The following EMX2 variants were observed in gnomAD, a reference collection of about 807,000 sequenced individuals.
The protein encoded by EMX2 is homeobox protein EMX2.
Under a neutral mutation model 23.0 loss-of-function variants are expected in EMX2, and 6 were observed. The observed-to-expected ratio is 0.26, with a 90% CI of 0.14 to 0.52. The LOEUF is 0.52. Among genes scored for constraint, EMX2 ranks in the 20% least tolerant of loss-of-function variants. The probability of loss-of-function intolerance (pLI) is 0.97; values close to 1 mark genes in which losing one functional copy is unlikely to be tolerated. For synonymous variants in EMX2, 175 were observed against 153.3 expected, an observed-to-expected ratio of 1.14 and a Z score of -1.04; for missense variants, 302 against 341.4, an observed-to-expected ratio of 0.88 and a Z score of 0.91.
chr10:117,545,545 G>A, intron 1 of EMX2, 87 bp from the exon 2 acceptor site: 1 of 1,549,264 alleles, frequency 6.5e-7, no homozygotes, highest in South Asian at 1.2e-5. Context: ...CCCTGAGCAC[G>A]GTGCCGGGCC....
In EMX2 at chr10:117,548,086, C is replaced by A. The variant is rs1331282704; in HGVS notation, c.613C>A (p.Arg205=). 6.2e-7 allele frequency: 1 copy of A among 1,612,328 alleles called. No individual in the cohort carries two copies. Among genetic ancestry groups the A allele is most frequent in the East Asian group, 2.2e-5 (1 of 44,834 alleles). ...ETQVKVWFQN[R]RTKFKRQKLE... is the part of the protein sequence containing the mutation. ...GCAGGTAAAAGTATGGTTTCAGAAC[C>A]GAAGAACAAAGTTCAAAAGGCAGAA... is the stretch of plus-strand genomic sequence containing the variant. The change falls in exon 3 of 3, where the codon CGA becomes AGA. Residue 205 remains arginine, a synonymous_variant. Coordinates refer to ENST00000553456, the MANE Select transcript of EMX2 (RefSeq NM_004098.4).
chr10:117,548,576 G>C lies in EMX2; in HGVS notation c.*344G>C. On this transcript the variant is annotated 3_prime_UTR_variant, in exon 3 of 3. Transcript: ENST00000553456. The stretch of plus-strand genomic sequence containing the variant: ...AGAGAGAGAGAGAGAGAGAGAGAAA[G>C]CTGAACGTGCACTCTGACAAGGGGA... 2.0e-6 allele frequency: 1 copy of C among 504,126 alleles called. No homozygotes were observed. 31.2% of individuals were successfully genotyped at this position (504,126 alleles called of 1,614,324 possible).
At position 117,548,162 on chromosome 10, in the gene EMX2, A is replaced by G; in HGVS notation, c.689A>G (p.His230Arg). The change falls in exon 3 of 3, where the codon CAT becomes CGT. Residue 230 changes from histidine (H) to arginine (R), a missense_variant. Coordinates refer to ENST00000553456, the MANE Select transcript of EMX2 (RefSeq NM_004098.4). ...CAACAAAAGAAAAAAGGGACGCACC[A>G]TATTAACCGGTGGAGAATCGCCACC... ...DSQQKKKGTH[H>R]INRWRIATKQ... 1 of 1,614,104 alleles carries G rather than the reference A, an allele frequency of 6.2e-7. No individual in the cohort carries two copies. Among genetic ancestry groups the G allele is most frequent in the Non-Finnish European group, 8.5e-7 (1 of 1,180,006 alleles).
intron 2 of EMX2, 109 bp downstream of exon 2, chr10:117,545,925 G>A: frequency 2.0e-6 from 3 of 1,467,478 alleles, no homozygotes; most frequent in South Asian, 1.2e-5. Flanking sequence ...CTTCCGCACA[G>A]GTCCTGGTAG....
rs764114182 is a variant in EMX2, at chr10:117,548,534, G to C, written c.*302G>C. The C allele has an allele frequency of 3.8e-4, 166 of 437,028 alleles. 1 individual carries two copies. Among genetic ancestry groups the C allele is most frequent in the Non-Finnish European group, 5.8e-4 (154 of 264,798 alleles). 27.1% of individuals were successfully genotyped at this position (437,028 alleles called of 1,614,324 possible). A position where few individuals can be genotyped will look rare whatever the true frequency, so the allele number is the denominator to read the frequency against. On this transcript the variant is annotated 3_prime_UTR_variant, in exon 3 of 3. Transcript: ENST00000553456. ...AGAAGGAGAAAGAGGGAGGGAGAGA[G>C]AGAAAGAGAGAGAAAGAGAGAGAGA...
rs1332593101 is a variant in EMX2 at position 117,549,320 on chromosome 10, T to C, written c.*1088T>C. 1 of 152,610 alleles carries C rather than the reference T, an allele frequency of 6.6e-6. No individual in the cohort carries two copies. Among genetic ancestry groups the C allele is most frequent in the Non-Finnish European group, 1.5e-5 (1 of 68,042 alleles). 9.5% of individuals were successfully genotyped at this position (152,610 alleles called of 1,614,324 possible). A position where few individuals can be genotyped will look rare whatever the true frequency, so the allele number is the denominator to read the frequency against. On this transcript the variant is annotated 3_prime_UTR_variant, in exon 3 of 3. Transcript: ENST00000553456. ...GGACTGTAGTTAGCGGGGATGATGT[T>C]AAGTGTGGCCAAGCGCACGGCGGCA...
In EMX2 at chr10:117,548,493, A is replaced by C; in HGVS notation, c.*261A>C. 1.7e-6 allele frequency: 1 copy of C among 600,174 alleles called. No homozygotes were observed. The allele number at this position is 600,174 out of a possible 1,614,324, so 37.2% of individuals were successfully genotyped here. On this transcript the variant is annotated 3_prime_UTR_variant, in exon 3 of 3. Transcript: ENST00000553456. ...CGACCCTCGTCTAAAGAGGCAGCTGAGTGAGAGACACAGAGAGAAGGAGAA... is the reference window on the plus strand; with the variant it reads ...CGACCCTCGTCTAAAGAGGCAGCTGCGTGAGAGACACAGAGAGAAGGAGAA...
chr10:117,545,834 G>A lies in EMX2; in HGVS notation c.591+18G>A, dbSNP rs778391840. ...AAACTCAGGTGACTGCGGCCCGGGC[G>A]CGAGGAACCCATCTAGGCGTGCGCC... On this transcript the variant is annotated intron_variant, in intron 2 of 2. Coordinates refer to ENST00000553456, the MANE Select transcript of EMX2 (RefSeq NM_004098.4). 3.1e-6 allele frequency: 5 copies of A among 1,613,484 alleles called. No individual in the cohort carries two copies. The highest frequency in any genetic ancestry group is 2.5e-6 in the Non-Finnish European group (3 of 1,180,016).
Position 117,548,344 on chromosome 10 carries a change from A to G in EMX2, c.*112A>G, listed in dbSNP as rs573827200. The G allele has an allele frequency of 2.6e-5, 38 of 1,443,230 alleles. No homozygotes were observed. The Admixed American group carries it at 6.5e-4, about 25-fold the overall frequency. The allele number at this position is 1,443,230 out of a possible 1,614,324, so 89.4% of individuals were successfully genotyped here. On this transcript the variant is annotated 3_prime_UTR_variant, in exon 3 of 3. Transcript: ENST00000553456. Reference sequence around the variant, plus strand: ...AAACAAACCGCATACACGTTCACCGAGAAAGGGAGAGGGAATCGGAGGGAG... The same window carrying G: ...AAACAAACCGCATACACGTTCACCGGGAAAGGGAGAGGGAATCGGAGGGAG...
In EMX2 at chr10:117,548,476, G is replaced by A. The variant is rs1846611902; in HGVS notation, c.*244G>A. On this transcript the variant is annotated 3_prime_UTR_variant, in exon 3 of 3. Transcript: ENST00000553456. Reference sequence around the variant, plus strand: ...GCTCCTTCATCAACAAGCGACCCTCGTCTAAAGAGGCAGCTGAGTGAGAGA... The same window carrying A: ...GCTCCTTCATCAACAAGCGACCCTCATCTAAAGAGGCAGCTGAGTGAGAGA... 1 of 610,854 alleles carries A rather than the reference G, an allele frequency of 1.6e-6. No homozygotes were observed. Among genetic ancestry groups the A allele is most frequent in the Non-Finnish European group, 2.9e-6 (1 of 349,006 alleles). 37.8% of individuals were successfully genotyped at this position (610,854 alleles called of 1,614,324 possible). A position where few individuals can be genotyped will look rare whatever the true frequency, so the allele number is the denominator to read the frequency against.
Position 117,543,351 on chromosome 10 carries a change from G to A in EMX2, c.84G>A (p.Glu28=). ...GTCCCCTGCCCGCCTCGCGCTCCGAGGACCCCATCCGTCCCGCGGCACTCA... is the reference window on the plus strand; with the variant it reads ...GTCCCCTGCCCGCCTCGCGCTCCGAAGACCCCATCCGTCCCGCGGCACTCA... ...KDSPLPASRS[E]DPIRPAALSY... is the part of the protein sequence containing the mutation. Residue 28 remains glutamate (E), a synonymous_variant, in exon 1 of 3, where the codon GAG becomes GAA. Transcript: ENST00000553456. The A allele has an allele frequency of 6.4e-7, 1 of 1,562,522 alleles. No individual in the cohort carries two copies. The highest frequency in any genetic ancestry group is 8.7e-7 in the Non-Finnish European group (1 of 1,154,192).
chr10:117,548,543 AG>A lies in EMX2; in HGVS notation c.*312del, dbSNP rs1416092913. On this transcript the variant is annotated 3_prime_UTR_variant, in exon 3 of 3. Transcript: ENST00000553456. ...AAGAGGGAGGGAGAGAGAGAAAGAG[AG>A]AGAAAGAGAGAGAGAGAGAGAGAGA... The A allele has an allele frequency of 4.0e-5, 17 of 423,558 alleles. No homozygotes were observed. Among genetic ancestry groups the A allele is most frequent in the Non-Finnish European group, 5.8e-5 (15 of 256,950 alleles). The allele number at this position is 423,558 out of a possible 1,614,324, so 26.2% of individuals were successfully genotyped here.
rs1846618982 is a variant in EMX2, at chr10:117,548,844, GT to G, written c.*614del. 5.0e-6 allele frequency: 2 copies of G among 398,574 alleles called. No individual in the cohort carries two copies. Among genetic ancestry groups the G allele is most frequent in the African/African-American group, 4.1e-5 (2 of 48,598 alleles). 24.7% of individuals were successfully genotyped at this position (398,574 alleles called of 1,614,324 possible). On this transcript the variant is annotated 3_prime_UTR_variant, in exon 3 of 3. Transcript: ENST00000553456. ...TCAAATCCTTGAAATGCATGTAGCA[GT>G]TGTTGGGCGAATGGTGTTTAAAGAC...
Position 117,548,308 on chromosome 10 carries a change from C to A in EMX2, c.*76C>A. On this transcript the variant is annotated 3_prime_UTR_variant, in exon 3 of 3. Coordinates refer to ENST00000553456, the MANE Select transcript of EMX2 (RefSeq NM_004098.4). ...GGGAGAGGTGGAGAAGGAAAAAACCCTACAAAACAAAAACAAACCGCATAC... is the reference window on the plus strand; with the variant it reads ...GGGAGAGGTGGAGAAGGAAAAAACCATACAAAACAAAAACAAACCGCATAC... 2 of 1,565,582 alleles carry A rather than the reference C, an allele frequency of 1.3e-6. No individual in the cohort carries two copies. Among genetic ancestry groups the A allele is most frequent in the East Asian group, 2.4e-5 (1 of 42,532 alleles).
rs12777755 is a variant in EMX2 at position 117,542,900 on chromosome 10, C to T, written c.-368C>T. Reference sequence around the variant, plus strand: ...TCCCTGCCTCTAACTCCGATCCCCCCACGCCATCTCGCCAAAAAAAAAAAA... The same window carrying T: ...TCCCTGCCTCTAACTCCGATCCCCCTACGCCATCTCGCCAAAAAAAAAAAA... On this transcript the variant is annotated 5_prime_UTR_variant, in exon 1 of 3. Coordinates refer to ENST00000553456, the MANE Select transcript of EMX2 (RefSeq NM_004098.4). The T allele has an allele frequency of 0.016, 1,191 of 72,312 alleles. 68 individuals are homozygous for T. The highest frequency in any genetic ancestry group is 0.064 in the East Asian group (133 of 2,086). The allele number at this position is 72,312 out of a possible 1,614,324, so 4.5% of individuals were successfully genotyped here.
At position 117,548,495 on chromosome 10, in the gene EMX2, T is replaced by C; in HGVS notation, c.*263T>C. ...ACCCTCGTCTAAAGAGGCAGCTGAG[T>C]GAGAGACACAGAGAGAAGGAGAAAG... On this transcript the variant is annotated 3_prime_UTR_variant, in exon 3 of 3. Coordinates refer to ENST00000553456, the MANE Select transcript of EMX2 (RefSeq NM_004098.4). The C allele has an allele frequency of 3.4e-6, 2 of 583,160 alleles. No homozygotes were observed. Among genetic ancestry groups the C allele is most frequent in the Admixed American group, 6.5e-5 (2 of 30,708 alleles). The allele number at this position is 583,160 out of a possible 1,614,324, so 36.1% of individuals were successfully genotyped here. A position where few individuals can be genotyped will look rare whatever the true frequency, so the allele number is the denominator to read the frequency against.
chr10:117,543,715 G>T (rs755802506), intron 1 of EMX2, 42 bp downstream of exon 1: 3 of 1,612,918 alleles, frequency 1.9e-6, no homozygotes, highest in South Asian at 2.2e-5. Flanking sequence ...CGCTCCCGCC[G>T]CATCCTTCAC....
At position 117,543,012 on chromosome 10, in the gene EMX2, C is replaced by G. The variant is rs1248966522; in HGVS notation, c.-256C>G. ...AAATTCTTCTGGAAGGATTTTCCCC[C>G]CTCTCTTCAGGTTGGGCGCGTTTGG... is the stretch of plus-strand genomic sequence containing the variant. On this transcript the variant is annotated 5_prime_UTR_variant, in exon 1 of 3. Coordinates refer to ENST00000553456, the MANE Select transcript of EMX2 (RefSeq NM_004098.4). 2.3e-6 allele frequency: 1 copy of G among 428,042 alleles called. No homozygotes were observed. 26.5% of individuals were successfully genotyped at this position (428,042 alleles called of 1,614,324 possible). A position where few individuals can be genotyped will look rare whatever the true frequency, so the allele number is the denominator to read the frequency against.
chr10:117,545,933 T>A, intron 2 of EMX2, 117 bp downstream of exon 2: 1 of 1,416,786 alleles, frequency 7.1e-7, no homozygotes, highest in Non-Finnish European at 9.8e-7. Flanking sequence ...CAGGTCCTGG[T>A]AGCTGGTTCC....
Sources: allele counts gnomAD v4.1 joint callset, GRCh38; gene constraint gnomAD v4.1.1; transcripts MANE v1.5; gene names NCBI Gene and HGNC (gene_info 2026-07-23, HGNC 2026-07-21).